Variants in USP34 observed in about 807,000 individuals in gnomAD.
USP34 encodes ubiquitin carboxyl-terminal hydrolase 34.
In USP34, 70 loss-of-function variants were observed where a neutral mutation model predicts 460.3. That is an observed-to-expected ratio of 0.15 (90% CI 0.13 to 0.19). The LOEUF is 0.19. Among genes scored for constraint, USP34 ranks in the 10% least tolerant of loss-of-function variants. The pLI is 1.00. For missense variants in USP34, 3,985 were observed against 4,236.2 expected (o/e 0.94, Z 1.65); for synonymous variants, 1,647 against 1,405.3 (o/e 1.17, Z -3.85).
chr2:61,434,264 G>A (rs1694753603), intron 1 of USP34, among the ~76,000 whole-genome samples: 3 of 152,144 alleles, frequency 2.0e-5, no homozygotes, highest in African/African-American at 7.2e-5. Context: ...CGTCCCTGAT[G>A]GGCATCCCCC....
At chr2:61,419,345 G>A (rs1193957060) in intron 2 of USP34, among the ~76,000 whole-genome samples, 2 of 151,596 alleles carry the variant, frequency 1.3e-5, no homozygotes, top group Non-Finnish European at 2.9e-5. Flanking sequence ...TACATTCTAG[G>A]GCAACATGAG....
At position 61,214,554 on chromosome 2, in the gene USP34, C is replaced by A; in HGVS notation, c.8188G>T (p.Val2730Leu). Residue 2730 changes from valine (V) to leucine (L), a missense_variant, in exon 68 of 80, where the codon GTG becomes TTG. Transcript: ENST00000398571. ...TTVVLHQVYNVLLGLLSRAKL... is the reference protein window; with the variant it reads ...TTVVLHQVYNLLLGLLSRAKL... The stretch of plus-strand genomic sequence containing the variant: ...GCTCTTGAGAGCAAACCAAGGAGCA[C>A]GTTGTAGACCTGATGTAGGACTACT... 6.2e-7 allele frequency: 1 copy of A among 1,613,526 alleles called. No individual in the cohort carries two copies. Among genetic ancestry groups the A allele is most frequent in the Non-Finnish European group, 8.5e-7 (1 of 1,179,774 alleles).
At chr2:61,405,232 C>CAAAAAAAAAAAAAAAAAAAAAAAAACA (rs199659618) in intron 3 of USP34, among the ~76,000 whole-genome samples, 1 of 78,060 alleles carries the variant, frequency 1.3e-5, no homozygotes, top group African/African-American at 4.9e-5. Context: ...GACTCCATCT[C>CAAAAAAAAAAAAAAAAAAAAAAAAACA]AAAAAAAAAA....
intron 1 of USP34, among the ~76,000 whole-genome samples, chr2:61,425,016 C>T (rs1318716059): frequency 6.6e-6 from 1 of 152,124 alleles, no homozygotes; most frequent in Non-Finnish European, 1.5e-5. Flanking sequence ...GACAGGGTTT[C>T]ACCACGTTGG....
At chr2:61,313,818 T>C (rs905936405) in intron 25 of USP34, among the ~76,000 whole-genome samples, 1 of 152,144 alleles carries the variant, frequency 6.6e-6, no homozygotes, top group African/African-American at 2.4e-5. Flanking sequence ...ATCTTTACTA[T>C]GCAATCTTTC....
rs754721948 is a variant in USP34, at chr2:61,406,065, T to G, written c.195A>C (p.Ala65=). The G allele has an allele frequency of 6.2e-6, 10 of 1,613,762 alleles. No individual in the cohort carries two copies. Among genetic ancestry groups the G allele is most frequent in the Non-Finnish European group, 7.6e-6 (9 of 1,179,940 alleles). Residue 65 remains alanine (A), a synonymous_variant, in exon 3 of 80, where the codon GCA becomes GCC. Transcript: ENST00000398571. ...CTTGGGCAATCACTAAGTTAATAAGTGCACACACTACTTGATTAAAAATCT... is the reference window on the plus strand; with the variant it reads ...CTTGGGCAATCACTAAGTTAATAAGGGCACACACTACTTGATTAAAAATCT... ...HLEIFNQVVC[A]LINLVIAQVQ... is the part of the protein sequence containing the mutation.
chr2:61,411,166 C>T (rs1325801227), intron 2 of USP34, among the ~76,000 whole-genome samples: 1 of 152,038 alleles, frequency 6.6e-6, no homozygotes, highest in African/African-American at 2.4e-5. Context: ...AGGAGGATCG[C>T]TTAAGCCCAG....
chr2:61,219,670 C>CAA (rs1264885020), intron 67 of USP34, among the ~76,000 whole-genome samples: 35 of 78,564 alleles, frequency 4.5e-4, no homozygotes, highest in Admixed American at 1.0e-3. Context: ...GACTCTGTCT[C>CAA]AAAAAAAAAA....
At chr2:61,406,731 G>A (rs907059999) in intron 2 of USP34, among the ~76,000 whole-genome samples, 2 of 150,932 alleles carry the variant, frequency 1.3e-5, no homozygotes, top group African/African-American at 4.9e-5. Context: ...TTGGCCAGGC[G>A]CAGTGGCTCA....
At chr2:61,259,260 A>G (rs1306252440) in intron 44 of USP34, among the ~76,000 whole-genome samples, 1 of 151,316 alleles carries the variant, frequency 6.6e-6, no homozygotes, top group Non-Finnish European at 1.5e-5. Flanking sequence ...CTCTGTCTCA[A>G]AATAAATAAA....
chr2:61,299,234 TAAC>T (rs772128614), intron 29 of USP34, among the ~76,000 whole-genome samples: 6 of 152,252 alleles, frequency 3.9e-5, no homozygotes, highest in South Asian at 2.1e-4. Flanking sequence ...AGAAGTCACT[TAAC>T]AATCTTGGGG....
In USP34 at chr2:61,447,254, C is replaced by CAAA. The variant is rs763711140; in HGVS notation, c.43+23393_43+23395dup. Among the ~76,000 whole-genome samples the CAAA allele has an allele frequency of 1.0e-3, 60 of 59,668 alleles. 2 individuals are homozygous for CAAA. The highest frequency in any genetic ancestry group is 3.1e-3 in the East Asian group (4 of 1,296). The allele number at this position is 59,668 out of a possible 152,430, so 39.1% of individuals were successfully genotyped here. A position where few individuals can be genotyped will look rare whatever the true frequency, so the allele number is the denominator to read the frequency against. ...TGGGCAACAGAGTGAAACTGTCTTC[C>CAAA]AAAAAAAAAAAAAAAAAAAAAAAAA... is the stretch of plus-strand genomic sequence containing the variant. On this transcript the variant is annotated intron_variant, in intron 1 of 79. Coordinates refer to ENST00000398571, the MANE Select transcript of USP34 (RefSeq NM_014709.4).
chr2:61,336,259 G>GT (rs1691412570), intron 18 of USP34, among the ~76,000 whole-genome samples: 1 of 151,354 alleles, frequency 6.6e-6, no homozygotes, highest in African/African-American at 2.4e-5. Context: ...CCAAGTAGCT[G>GT]TAACTACAGG....
At position 61,365,944 on chromosome 2, in the gene USP34, C is replaced by CTATT. The variant is rs70963417; in HGVS notation, c.1251+4373_1251+4376dup. Among the ~76,000 whole-genome samples, 186 of 150,302 alleles carry CTATT rather than the reference C, an allele frequency of 1.2e-3. 1 individual carries two copies. The highest frequency in any genetic ancestry group is 7.5e-3 in the South Asian group (35 of 4,684). On this transcript the variant is annotated intron_variant, in intron 10 of 79. Transcript: ENST00000398571. Reference sequence around the variant, plus strand: ...GAAAGACTAAAATGACTGGGAACACCTATTTATTTATTTATTTATTTATTT... The same window carrying CTATT: ...GAAAGACTAAAATGACTGGGAACACCTATTTATTTATTTATTTATTTATTTATTT...
intron 53 of USP34, 83 bp from the exon 54 acceptor site, chr2:61,236,472 CTT>C: frequency 9.2e-7 from 1 of 1,081,264 alleles, no homozygotes; most frequent in East Asian, 2.6e-5. Flanking sequence ...CAAAAAGTCT[CTT>C]CTAAAAAACC....
intron 62 of USP34, among the ~76,000 whole-genome samples, chr2:61,225,427 A>ATAAC (rs1239816134): frequency 6.6e-6 from 1 of 152,138 alleles, no homozygotes; most frequent in Non-Finnish European, 1.5e-5. Context: ...ATATATAGTT[A>ATAAC]GGTTCATTTA....
intron 1 of USP34, among the ~76,000 whole-genome samples, chr2:61,447,406 T>C (rs893657359): frequency 2.0e-5 from 3 of 152,226 alleles, no homozygotes; most frequent in African/African-American, 7.2e-5. Flanking sequence ...AAAGCTCAAA[T>C]TTTATCACTG....
chr2:61,266,139 A>G lies in USP34; in HGVS notation c.5462T>C (p.Leu1821Pro). The change falls in exon 42 of 80, where the codon CTG (leucine) becomes CCG (proline). Residue 1821 changes from leucine (L) to proline (P), a missense_variant. This residue lies in a region of USP34 where 1,114 missense variants were observed against 1,122.5 expected (regional missense o/e 0.99). Transcript: ENST00000398571. ...GTCCTTTAGACTTGGCAACAAAAAC[A>G]GGAGATTGAAGATATCTCTCAAAAA... ...QEFLRDIFNL[L>P]FLLPSLKDRQ... 6.2e-7 allele frequency: 1 copy of G among 1,611,596 alleles called. No homozygotes were observed.
At position 61,235,856 on chromosome 2, in the gene USP34, CCTGA is replaced by C; in HGVS notation, c.7017_7020del (p.Ser2339ArgfsTer8). The C allele has an allele frequency of 6.2e-7, 1 of 1,612,948 alleles. No individual in the cohort carries two copies. On this transcript the variant is annotated frameshift_variant, in exon 57 of 80. Transcript: ENST00000398571. LOFTEE classifies it high-confidence loss of function. ...AATTATCACCTTACCTCACAAGCTG[CCTGA>C]CTATTATTAAACTGTTTCGTCAACA...
Sources: allele counts gnomAD v4.1 joint callset (sites outside exome capture counted in the v4.1 genomes callset), GRCh38; gene constraint gnomAD v4.1.1; regional missense constraint gnomAD v4.1.1; transcripts MANE v1.5; gene names NCBI Gene and HGNC (gene_info 2026-07-23, HGNC 2026-07-21).